Variants in IMMP2L observed in about 807,000 individuals in gnomAD.
IMMP2L encodes the protein inner mitochondrial membrane peptidase subunit 2, also known as mitochondrial inner membrane protease subunit 2.
In IMMP2L, 18 loss-of-function variants were observed where a neutral mutation model predicts 19.3. The observed-to-expected ratio is 0.93, with a 90% confidence interval of 0.64 to 1.38. The LOEUF is 1.38. IMMP2L is among the 40% of genes most tolerant of loss of function. The pLI is 0.00. For missense variants in IMMP2L, 233 were observed against 218.2 expected (o/e 1.07, Z -0.43); for synonymous variants, 76 against 73.0 (o/e 1.04, Z -0.21).
Position 111,368,438 on chromosome 7 carries a change from A to G in IMMP2L, c.239+118800T>C, listed in dbSNP as rs78146141. On this transcript the variant is annotated intron_variant, in intron 3 of 5. Transcript: ENST00000405709. ...AGTCAGACACATTCTCTCAAGACTT[A>G]GTGTATTAAGCAGAATCAATGCACA... Among the ~76,000 whole-genome samples, 112 of 152,106 alleles carry G rather than the reference A, an allele frequency of 7.4e-4. 1 individual carries two copies. In the East Asian group the frequency reaches 0.019, roughly 26 times the overall value.
intron 3 of IMMP2L, among the ~76,000 whole-genome samples, chr7:111,479,170 C>T (rs943419111): frequency 2.0e-5 from 3 of 152,138 alleles, no homozygotes; most frequent in African/African-American, 7.2e-5. Context: ...ACCATCTTAG[C>T]TATTGCTGCT....
At chr7:111,102,047 T>C (rs1054594431) in intron 3 of IMMP2L, among the ~76,000 whole-genome samples, 1 of 151,168 alleles carries the variant, frequency 6.6e-6, no homozygotes, top group Admixed American at 6.6e-5. Flanking sequence ...GCCAATATGA[T>C]TAATGAGTGA....
rs991047860 is a variant in IMMP2L, at chr7:110,919,830, G to A, written c.306-33135C>T. ...TGGGTGTGTCTGTGAGGGTGTTGCC[G>A]AAGGAGATTAACAATTGAGTCGGTG... is the stretch of plus-strand genomic sequence containing the variant. On this transcript the variant is annotated intron_variant, in intron 4 of 5. Coordinates refer to ENST00000405709, the MANE Select transcript of IMMP2L (RefSeq NM_032549.4). Among the ~76,000 whole-genome samples the A allele has an allele frequency of 5.9e-5, 9 of 152,212 alleles. No individual in the cohort carries two copies. The South Asian group carries it at 8.3e-4, about 14-fold the overall frequency.
At chr7:110,881,987 T>C (rs1184120131) in intron 5 of IMMP2L, among the ~76,000 whole-genome samples, 1 of 152,166 alleles carries the variant, frequency 6.6e-6, no homozygotes, top group Non-Finnish European at 1.5e-5. Flanking sequence ...GGCTCTCTCA[T>C]ACCCCCATCT....
At chr7:111,007,163 C>T (rs544555261) in intron 3 of IMMP2L, among the ~76,000 whole-genome samples, 12 of 152,186 alleles carry the variant, frequency 7.9e-5, no homozygotes, top group African/African-American at 2.9e-4. Flanking sequence ...CACATGGTGG[C>T]AGGAGAGAGA....
At chr7:111,224,827 AGTCATT>A (rs1391049662) in intron 3 of IMMP2L, among the ~76,000 whole-genome samples, 1 of 152,238 alleles carries the variant, frequency 6.6e-6, no homozygotes, top group African/African-American at 2.4e-5. Context: ...AACTTTACTG[AGTCATT>A]GTACTCTTCA....
chr7:111,167,221 G>C lies in IMMP2L; in HGVS notation c.240-203656C>G, dbSNP rs2129608221. ...CTGCTCTCATCAAAGCCTGTCTTTA[G>C]ATCTTTCCTCTGATTATGTCCAGGA... On this transcript the variant is annotated intron_variant, in intron 3 of 5. Transcript: ENST00000405709. Among the ~76,000 whole-genome samples, 2 of 152,004 alleles carry C rather than the reference G, an allele frequency of 1.3e-5. 1 individual carries two copies. Among genetic ancestry groups the C allele is most frequent in the Middle Eastern group, 6.8e-3 (2 of 294 alleles).
intron 3 of IMMP2L, among the ~76,000 whole-genome samples, chr7:111,472,526 G>A (rs2132118711): frequency 6.6e-6 from 1 of 152,114 alleles, no homozygotes; most frequent in African/African-American, 2.4e-5. Context: ...TATGTTGTAG[G>A]TAAACCACAG....
rs569851927 is a variant in IMMP2L, at chr7:111,316,618, G to A, written c.239+170620C>T. 2.2e-4 allele frequency among the ~76,000 whole-genome samples: 33 copies of A among 151,804 alleles called. 1 individual carries two copies. In the South Asian group the frequency reaches 6.2e-3, roughly 29 times the overall value. On this transcript the variant is annotated intron_variant, in intron 3 of 5. Transcript: ENST00000405709. The stretch of plus-strand genomic sequence containing the variant: ...ACATTTCTTTATGAAGGAGTAGAGA[G>A]AATAAACAAATTTTTTAAAAAGTAA...
chr7:111,297,115 C>T (rs1192012244), intron 3 of IMMP2L, among the ~76,000 whole-genome samples: 5 of 151,992 alleles, frequency 3.3e-5, no homozygotes, highest in Non-Finnish European at 1.5e-5. Flanking sequence ...TTTGGGATAA[C>T]AGGAAAGTTC....
At chr7:110,703,270 G>C (rs909338848) in intron 5 of IMMP2L, among the ~76,000 whole-genome samples, 2 of 152,032 alleles carry the variant, frequency 1.3e-5, no homozygotes, top group African/African-American at 4.8e-5. Context: ...TTGCATTCCA[G>C]AGATAATCCC....
intron 4 of IMMP2L, among the ~76,000 whole-genome samples, chr7:110,894,493 T>C (rs557713705): frequency 1.3e-5 from 2 of 152,320 alleles, no homozygotes; most frequent in South Asian, 4.1e-4. Context: ...CATCTTTTCA[T>C]GTTATCTGTC....
chr7:110,819,125 A>G (rs928887828), intron 5 of IMMP2L, among the ~76,000 whole-genome samples: 22 of 152,072 alleles, frequency 1.4e-4, no homozygotes, highest in Non-Finnish European at 2.8e-4. Context: ...CAAAATAAAA[A>G]AAAGAAAAAA....
chr7:111,523,046 C>T (rs1846509495), intron 1 of IMMP2L, among the ~76,000 whole-genome samples: 1 of 151,404 alleles, frequency 6.6e-6, no homozygotes, highest in Non-Finnish European at 1.5e-5. Context: ...TATTGCACGA[C>T]CACTCATATA....
chr7:111,175,905 T>C (rs1408182246), intron 3 of IMMP2L, among the ~76,000 whole-genome samples: 1 of 151,724 alleles, frequency 6.6e-6, no homozygotes, highest in African/African-American at 2.4e-5. Flanking sequence ...AATAAGAATA[T>C]ATAAGGTGAT....
chr7:111,120,888 T>C (rs1800517387), intron 3 of IMMP2L, among the ~76,000 whole-genome samples: 2 of 151,942 alleles, frequency 1.3e-5, no homozygotes, highest in African/African-American at 4.8e-5. Context: ...TGGTTGTAAG[T>C]GAACAGTATT....
chr7:111,491,763 G>A (rs946955761), intron 2 of IMMP2L, among the ~76,000 whole-genome samples: 3 of 152,058 alleles, frequency 2.0e-5, no homozygotes, highest in African/African-American at 7.2e-5. Flanking sequence ...AGTATCCACA[G>A]GTCCTCTTCC....
At position 111,427,060 on chromosome 7, in the gene IMMP2L, T is replaced by C. The variant is rs1836150425; in HGVS notation, c.239+60178A>G. ...TCATGATAATTTTTCATTTGCTCCC[T>C]TTCAGATCCAAACTCCTTACTTCAC... On this transcript the variant is annotated intron_variant, in intron 3 of 5. Transcript: ENST00000405709. Among the ~76,000 whole-genome samples the C allele has an allele frequency of 2.0e-5, 3 of 150,992 alleles. No homozygotes were observed. The Admixed American group carries it at 2.0e-4, about 10-fold the overall frequency.
chr7:111,049,793 T>C (rs1250816955), intron 3 of IMMP2L, among the ~76,000 whole-genome samples: 5 of 152,200 alleles, frequency 3.3e-5, no homozygotes, highest in Non-Finnish European at 5.9e-5. Context: ...GTCAAAAGTT[T>C]TGCAGTTCAG....
Sources: allele counts gnomAD v4.1 joint callset (sites outside exome capture counted in the v4.1 genomes callset), GRCh38; gene constraint gnomAD v4.1.1; transcripts MANE v1.5; gene names NCBI Gene and HGNC (gene_info 2026-07-23, HGNC 2026-07-21).